Variants in PATJ observed in about 807,000 individuals in gnomAD.
The protein encoded by PATJ is inaD-like protein.
In PATJ, 190 loss-of-function variants were observed where a neutral mutation model predicts 224.9. That is an observed-to-expected ratio of 0.84 (90% confidence interval 0.75 to 0.95). PATJ has a LOEUF of 0.95. Among genes scored for constraint, PATJ ranks in the 40% least tolerant of loss-of-function variants. The pLI is 0.00. For synonymous variants in PATJ, 769 were observed against 820.3 expected, an observed-to-expected ratio of 0.94 and a Z score of 1.07; for missense variants, 2,121 against 2,270.3, an observed-to-expected ratio of 0.93 and a Z score of 1.34.
At chr1:62,150,185 C>T (rs1668476844) in intron 42 of PATJ, among the ~76,000 whole-genome samples, 1 of 152,130 alleles carries the variant, frequency 6.6e-6, no homozygotes, top group Non-Finnish European at 1.5e-5. Context: ...GAGCCTTATT[C>T]ATGAGTCATA....
intron 43 of PATJ, among the ~76,000 whole-genome samples, chr1:62,155,951 G>A (rs143543791): frequency 1.1e-4 from 16 of 150,524 alleles, no homozygotes; most frequent in Non-Finnish European, 1.6e-4. Flanking sequence ...CCAGCTACTC[G>A]GGAGGCTGAG....
At chr1:62,016,748 C>T (rs1031981025) in intron 28 of PATJ, among the ~76,000 whole-genome samples, 1 of 152,136 alleles carries the variant, frequency 6.6e-6, no homozygotes, top group Non-Finnish European at 1.5e-5. Context: ...TCAGTAAAAT[C>T]TTTCTGTGTA....
chr1:61,975,348 A>G (rs1464334209), intron 27 of PATJ, among the ~76,000 whole-genome samples: 1 of 152,030 alleles, frequency 6.6e-6, no homozygotes, highest in Non-Finnish European at 1.5e-5. Context: ...TCATATTTGG[A>G]ACTCTTTATG....
At chr1:61,871,047 C>T (rs1282720003) in intron 20 of PATJ, among the ~76,000 whole-genome samples, 1 of 145,438 alleles carries the variant, frequency 6.9e-6, no homozygotes, top group East Asian at 2.0e-4. Context: ...GTCCTTTGTC[C>T]ATTTTTTAAA....
Position 61,819,611 on chromosome 1 carries a change from C to T in PATJ, c.1684-3334C>T, listed in dbSNP as rs533425281. Among the ~76,000 whole-genome samples the T allele has an allele frequency of 1.8e-3, 256 of 141,930 alleles. 2 individuals are homozygous for T. The highest frequency in any genetic ancestry group is 6.0e-3 in the African/African-American group (239 of 39,708). 93.1% of individuals were successfully genotyped at this position (141,930 alleles called of 152,430 possible). On this transcript the variant is annotated intron_variant, in intron 14 of 43. Transcript: ENST00000642238. ...CTCAAAAGCAGCGTGGGGCGGCAGG[C>T]GGCGGTGGGGGGGCGCGGGTGGGAA...
intron 32 of PATJ, among the ~76,000 whole-genome samples, chr1:62,079,927 C>A (rs1048232135): frequency 6.6e-6 from 1 of 151,560 alleles, no homozygotes; most frequent in Non-Finnish European, 1.5e-5. Context: ...ACTCGGGAGG[C>A]TGAGGCAGGA....
intron 28 of PATJ, chr1:62,013,462 C>A (rs991818574): frequency 1.0e-6 from 1 of 985,384 alleles, no homozygotes; most frequent in South Asian, 4.7e-5. Context: ...ACAAGCTATG[C>A]ATGAAAAGCT....
chr1:62,059,095 C>A (rs1018275183), intron 31 of PATJ, among the ~76,000 whole-genome samples: 11 of 152,104 alleles, frequency 7.2e-5, no homozygotes, highest in Admixed American at 5.9e-4. Context: ...AATGGCATCA[C>A]CTGTAGGTCC....
intron 27 of PATJ, among the ~76,000 whole-genome samples, chr1:61,961,408 G>T (rs1681263742): frequency 6.6e-6 from 1 of 152,080 alleles, no homozygotes; most frequent in African/African-American, 2.4e-5. Flanking sequence ...GAGATTCCCA[G>T]GGGCCAAAAT....
chr1:62,019,898 G>A (rs952000347), intron 29 of PATJ, among the ~76,000 whole-genome samples: 2 of 152,146 alleles, frequency 1.3e-5, no homozygotes, highest in Non-Finnish European at 2.9e-5. Context: ...GCCAGGCGCG[G>A]TGGCTTGCAC....
At chr1:62,028,875 G>C (rs1412336602) in intron 29 of PATJ, among the ~76,000 whole-genome samples, 2 of 152,108 alleles carry the variant, frequency 1.3e-5, no homozygotes, top group Non-Finnish European at 2.9e-5. Context: ...GTTCGCTTGA[G>C]CCTGGGAGTT....
At chr1:62,108,359 TG>T (rs1249648066) in intron 33 of PATJ, 77 bp from the exon 34 acceptor site, 2 of 675,096 alleles carry the variant, frequency 3.0e-6, no homozygotes, top group East Asian at 5.5e-5. Context: ...TAGAAAATTA[TG>T]GGTTGCTGCC....
intron 30 of PATJ, among the ~76,000 whole-genome samples, chr1:62,040,504 C>T (rs1651279919): frequency 6.6e-6 from 1 of 152,088 alleles, no homozygotes; most frequent in African/African-American, 2.4e-5. Context: ...TACTTGGTTA[C>T]ACTTGGGCAA....
At chr1:62,004,717 G>A (rs1203285335) in intron 28 of PATJ, among the ~76,000 whole-genome samples, 1 of 152,258 alleles carries the variant, frequency 6.6e-6, no homozygotes, top group East Asian at 1.9e-4. Flanking sequence ...ATGTGTGTGT[G>A]CCTTCTATGT....
At chr1:62,076,066 C>T (rs556020880) in intron 31 of PATJ, among the ~76,000 whole-genome samples, 1 of 152,134 alleles carries the variant, frequency 6.6e-6, no homozygotes, top group African/African-American at 2.4e-5. Context: ...ATGCTAGGAC[C>T]CCCATCCCAG....
At chr1:61,998,438 G>C (rs943878268) in intron 28 of PATJ, among the ~76,000 whole-genome samples, 21 of 151,524 alleles carry the variant, frequency 1.4e-4, no homozygotes, top group African/African-American at 4.9e-4. Flanking sequence ...TATCGCCCAG[G>C]CTAATCTCCA....
intron 28 of PATJ, among the ~76,000 whole-genome samples, chr1:62,011,327 T>C (rs906148650): frequency 1.2e-4 from 18 of 152,218 alleles, no homozygotes; most frequent in Admixed American, 1.1e-3. Flanking sequence ...TGTGGGACTC[T>C]TCCTTTTACT....
intron 27 of PATJ, among the ~76,000 whole-genome samples, chr1:61,980,372 T>A (rs1452791042): frequency 6.6e-6 from 1 of 151,944 alleles, no homozygotes; most frequent in Non-Finnish European, 1.5e-5. Context: ...ATACCAGATG[T>A]GGAAGATTCT....
intron 25 of PATJ, among the ~76,000 whole-genome samples, chr1:61,912,003 T>G (rs909833762): frequency 4.0e-5 from 6 of 148,792 alleles, no homozygotes; most frequent in African/African-American, 1.5e-4. Context: ...TCATTCTATA[T>G]TAATATATAT....
Sources: allele counts gnomAD v4.1 joint callset (sites outside exome capture counted in the v4.1 genomes callset), GRCh38; gene constraint gnomAD v4.1.1; transcripts MANE v1.5; gene names NCBI Gene and HGNC (gene_info 2026-07-23, HGNC 2026-07-21).